ADAMTS17: variants seen among roughly 807,000 people sequenced by gnomAD.
ADAMTS17 encodes the protein A disintegrin and metalloproteinase with thrombospondin motifs 17.
A neutral mutation model predicts 141.5 loss-of-function variants in ADAMTS17; 113 were observed. The ratio of observed to expected loss-of-function variants is 0.80; its 90% CI spans 0.69 to 0.93. ADAMTS17 has a LOEUF of 0.93. Ranked by LOEUF, ADAMTS17 falls within the 40% of genes least tolerant of loss-of-function variation. The pLI, the probability that ADAMTS17 is intolerant of heterozygous loss-of-function variation, is 0.00. For synonymous variants in ADAMTS17, 768 were observed against 630.6 expected, an observed-to-expected ratio of 1.22 and a Z score of -3.27; for missense variants, 1,659 against 1,517.9, an observed-to-expected ratio of 1.09 and a Z score of -1.54.
chr15:100,155,460 G>A (rs1283709600), intron 8 of ADAMTS17, 140 bp from the exon 9 acceptor site: 1 of 1,168,406 alleles, frequency 8.6e-7, no homozygotes, highest in East Asian at 2.6e-5. Context: ...TCACACAGCA[G>A]ACCCACAGTC....
intron 12 of ADAMTS17, chr15:100,129,063 GACA>G (rs1169560155): frequency 6.6e-6 from 1 of 152,204 alleles, no homozygotes; most frequent in Non-Finnish European, 1.5e-5. Context: ...CTCGCCTAGA[GACA>G]ACTTAAATGT....
intron 7 of ADAMTS17, among the ~76,000 whole-genome samples, chr15:100,223,767 T>C (rs558165938): frequency 6.9e-5 from 10 of 145,378 alleles, no homozygotes; most frequent in South Asian, 6.7e-4. Flanking sequence ...CACACACACA[T>C]ATATATATCC....
chr15:100,240,160 A>G (rs2042787299), intron 7 of ADAMTS17, among the ~76,000 whole-genome samples: 1 of 152,164 alleles, frequency 6.6e-6, no homozygotes, highest in Non-Finnish European at 1.5e-5. Flanking sequence ...CCTCAAGCCT[A>G]AGGCTAGCTC....
At chr15:100,044,613 A>G (rs4965273) in intron 18 of ADAMTS17, among the ~76,000 whole-genome samples, 52,618 of 151,982 alleles carry the variant, frequency 0.35, 10,665 homozygotes, top group African/African-American at 0.55. Flanking sequence ...CTGCTTTAAC[A>G]TTCTTTTCTT....
chr15:99,989,535 G>C (rs555911948), intron 20 of ADAMTS17, among the ~76,000 whole-genome samples: 21 of 152,286 alleles, frequency 1.4e-4, no homozygotes, highest in African/African-American at 5.1e-4. Flanking sequence ...ACACCTTCTG[G>C]ACTCTCCGTA....
chr15:100,084,930 G>C (rs889853912), intron 15 of ADAMTS17, among the ~76,000 whole-genome samples: 3 of 152,162 alleles, frequency 2.0e-5, no homozygotes, highest in African/African-American at 7.2e-5. Flanking sequence ...CTAAAAATCG[G>C]AGCGCCTCTC....
At chr15:100,091,010 C>CAACA (rs1555446585) in intron 15 of ADAMTS17, among the ~76,000 whole-genome samples, 6 of 54,612 alleles carry the variant, frequency 1.1e-4, no homozygotes, top group South Asian at 1.4e-3. Context: ...TCCGTCTCAA[C>CAACA]AAAAAAAAAA....
chr15:100,043,947 G>A (rs540512884), intron 18 of ADAMTS17, among the ~76,000 whole-genome samples: 1 of 152,304 alleles, frequency 6.6e-6, no homozygotes, highest in South Asian at 2.1e-4. Context: ...ACAGCTCTGT[G>A]GCACTCATTA....
intron 3 of ADAMTS17, among the ~76,000 whole-genome samples, chr15:100,287,772 G>A (rs896462297): frequency 1.3e-5 from 2 of 152,132 alleles, no homozygotes; most frequent in African/African-American, 4.8e-5. Flanking sequence ...AGCTTCATAC[G>A]TGAAAGAGAA....
chr15:100,000,478 G>C (rs1482180461), intron 18 of ADAMTS17, among the ~76,000 whole-genome samples: 1 of 152,128 alleles, frequency 6.6e-6, no homozygotes, highest in Non-Finnish European at 1.5e-5. Context: ...GTGATGGATA[G>C]GGACAATAAG....
chr15:100,010,763 G>A (rs1043569715), intron 18 of ADAMTS17, among the ~76,000 whole-genome samples: 1 of 152,222 alleles, frequency 6.6e-6, no homozygotes, highest in African/African-American at 2.4e-5. Flanking sequence ...AGTGAGGTGA[G>A]GAGGTACAAC....
At chr15:100,090,478 C>A (rs1330219980) in intron 15 of ADAMTS17, among the ~76,000 whole-genome samples, 1 of 152,210 alleles carries the variant, frequency 6.6e-6, no homozygotes, top group Non-Finnish European at 1.5e-5. Flanking sequence ...CCCTGTGCAG[C>A]TGATGCATGG....
chr15:100,279,454 C>T (rs1469648851), intron 4 of ADAMTS17, among the ~76,000 whole-genome samples: 1 of 152,252 alleles, frequency 6.6e-6, no homozygotes, highest in Non-Finnish European at 1.5e-5. Context: ...ACCCCACAAC[C>T]CACGGCTGCT....
chr15:100,252,641 G>A (rs1170587624), intron 7 of ADAMTS17, among the ~76,000 whole-genome samples: 1 of 152,132 alleles, frequency 6.6e-6, no homozygotes, highest in Non-Finnish European at 1.5e-5. Flanking sequence ...AAGTATCCAT[G>A]GCCCCAACCT....
At chr15:100,238,900 C>T (rs892326700) in intron 7 of ADAMTS17, among the ~76,000 whole-genome samples, 2 of 152,178 alleles carry the variant, frequency 1.3e-5, no homozygotes, top group Admixed American at 6.5e-5. Context: ...GCCTGGCCAA[C>T]CTGAAACAGG....
chr15:100,158,964 A>G (rs1325104857), intron 8 of ADAMTS17, among the ~76,000 whole-genome samples: 2 of 152,208 alleles, frequency 1.3e-5, no homozygotes, highest in African/African-American at 4.8e-5. Flanking sequence ...AAAATACAAA[A>G]CATGACAAAT....
chr15:100,095,464 G>A (rs1451105547), intron 15 of ADAMTS17, among the ~76,000 whole-genome samples: 1 of 152,140 alleles, frequency 6.6e-6, no homozygotes, highest in Non-Finnish European at 1.5e-5. Flanking sequence ...GAGACAGGGA[G>A]GCATAAATGT....
chr15:100,050,964 C>A (rs1022164564), intron 17 of ADAMTS17, among the ~76,000 whole-genome samples: 2 of 152,216 alleles, frequency 1.3e-5, no homozygotes, highest in African/African-American at 2.4e-5. Flanking sequence ...TTGATTCTTG[C>A]TGTACGACAG....
At chr15:100,219,437 A>G (rs8025355) in intron 7 of ADAMTS17, among the ~76,000 whole-genome samples, 23,908 of 152,260 alleles carry the variant, frequency 0.16, 2,131 homozygotes, top group East Asian at 0.29. Context: ...CCTACTTATA[A>G]GAGTATAACA....
Sources: allele counts gnomAD v4.1 joint callset (sites outside exome capture counted in the v4.1 genomes callset), GRCh38; gene constraint gnomAD v4.1.1; transcripts MANE v1.5; gene names NCBI Gene and HGNC (gene_info 2026-07-23, HGNC 2026-07-21).